The following CD276 variants were observed in gnomAD, a reference collection of about 807,000 sequenced individuals.
CD276 encodes the protein CD276 antigen.
In CD276, 34 loss-of-function variants were observed where a neutral mutation model predicts 50.0. The ratio of observed to expected loss-of-function variants is 0.68; its 90% CI spans 0.52 to 0.91. CD276 has a LOEUF of 0.91. Among genes scored for constraint, CD276 ranks in the 40% least tolerant of loss-of-function variants. The pLI is 0.00. For synonymous variants in CD276, 275 were observed against 313.0 expected, an observed-to-expected ratio of 0.88 and a Z score of 1.28; for missense variants, 634 against 717.5, an observed-to-expected ratio of 0.88 and a Z score of 1.33.
At chr15:73,700,189 T>C (rs780726648) in intron 2 of CD276, among the ~76,000 whole-genome samples, 5 of 152,174 alleles carry the variant, frequency 3.3e-5, no homozygotes, top group African/African-American at 7.2e-5. Flanking sequence ...GGCGTTTGCT[T>C]GCTTCCTCCC....
chr15:73,709,514 T>C lies in CD276; in HGVS notation c.1505-134T>C, dbSNP rs572093268. On this transcript the variant is annotated intron_variant, in intron 7 of 9. Transcript: ENST00000318443. ...CTCTGCTCTCGGGCTCTAACCCGTG[T>C]CTAGCATTTGGTCCGCAGGTCAGGC... is the stretch of plus-strand genomic sequence containing the variant. 14 of 819,710 alleles carry C rather than the reference T, an allele frequency of 1.7e-5. No homozygotes were observed. The East Asian group carries it at 3.5e-4, about 21-fold the overall frequency. 50.8% of individuals were successfully genotyped at this position (819,710 alleles called of 1,614,324 possible). A position where few individuals can be genotyped will look rare whatever the true frequency, so the allele number is the denominator to read the frequency against.
chr15:73,699,306 C>T (rs549637557), intron 1 of CD276, among the ~76,000 whole-genome samples: 144 of 152,318 alleles, frequency 9.5e-4, no homozygotes, highest in African/African-American at 3.1e-3. Context: ...CTTCACTTGC[C>T]GCCTTGCCTC....
Position 73,713,078 on chromosome 15 carries a change from C to A in CD276, c.*122C>A. On this transcript the variant is annotated 3_prime_UTR_variant, in exon 10 of 10. Transcript: ENST00000318443. ...TGCTCTGACAGGTGGGCTCCTTCTC[C>A]AAAGGATGCGATACACAGACCACTG... The A allele has an allele frequency of 1.2e-6, 1 of 837,046 alleles. No individual in the cohort carries two copies. The highest frequency in any genetic ancestry group is 1.9e-6 in the Non-Finnish European group (1 of 526,760). The allele number at this position is 837,046 out of a possible 1,614,324, so 51.9% of individuals were successfully genotyped here.
chr15:73,699,574 T>C lies in CD276; in HGVS notation c.-54-12T>C. 6.3e-7 allele frequency: 1 copy of C among 1,588,466 alleles called. No individual in the cohort carries two copies. The highest frequency in any genetic ancestry group is 8.6e-7 in the Non-Finnish European group (1 of 1,169,586). On this transcript the variant is annotated splice_polypyrimidine_tract_variant and intron_variant, in intron 1 of 9. Transcript: ENST00000318443. Reference sequence around the variant, plus strand: ...CTTTGGAGACAAAGGCCTTGCGTCCTCTTTCTCCCAGGCAGGGGCAGCCTT... The same window carrying C: ...CTTTGGAGACAAAGGCCTTGCGTCCCCTTTCTCCCAGGCAGGGGCAGCCTT...
intron 2 of CD276, among the ~76,000 whole-genome samples, chr15:73,700,892 C>CCCTCCTCCCTT (rs1567017807): frequency 4.1e-4 from 11 of 27,134 alleles, no homozygotes; most frequent in East Asian, 2.6e-3. Context: ...TCCCCTCCTC[C>CCCTCCTCCCTT]CCTCCTCCTC....
At chr15:73,690,455 T>C (rs1899943007) in intron 1 of CD276, among the ~76,000 whole-genome samples, 1 of 152,168 alleles carries the variant, frequency 6.6e-6, no homozygotes, top group Non-Finnish European at 1.5e-5. Context: ...GCCTGGGTAA[T>C]ATATAAAGAA....
At chr15:73,707,513 G>A (rs1208405005) in intron 6 of CD276, among the ~76,000 whole-genome samples, 2 of 152,172 alleles carry the variant, frequency 1.3e-5, no homozygotes, top group East Asian at 3.8e-4. Context: ...ACTCCTTGGG[G>A]AAACTCCAAG....
At chr15:73,708,542 G>A (rs1240214686) in intron 7 of CD276, 69 bp downstream of exon 7, 1 of 1,517,422 alleles carries the variant, frequency 6.6e-7, no homozygotes, top group Non-Finnish European at 8.9e-7. Flanking sequence ...TGCTGTCTTT[G>A]ATGTCAATAG....
At chr15:73,703,303 T>G (rs1221509520) in intron 4 of CD276, among the ~76,000 whole-genome samples, 2 of 152,114 alleles carry the variant, frequency 1.3e-5, no homozygotes, top group African/African-American at 4.8e-5. Context: ...TTCAAGGCTC[T>G]GGAAGCCTCT....
chr15:73,690,732 A>T (rs927764047), intron 1 of CD276: 1 of 455,980 alleles, frequency 2.2e-6, no homozygotes, highest in Non-Finnish European at 4.4e-6. Context: ...TAAAGCACCC[A>T]TGTCATCTAG....
At chr15:73,696,575 C>T (rs112058937) in intron 1 of CD276, among the ~76,000 whole-genome samples, 3 of 152,142 alleles carry the variant, frequency 2.0e-5, no homozygotes, top group African/African-American at 7.2e-5. Context: ...AAGTCCAGGG[C>T]GCAGCCCTGG....
At chr15:73,686,525 G>T (rs556655556) in intron 1 of CD276, among the ~76,000 whole-genome samples, 20 of 152,292 alleles carry the variant, frequency 1.3e-4, no homozygotes, top group Non-Finnish European at 2.9e-4. Flanking sequence ...GTCCTCTGGG[G>T]TGTCTGTGTC....
In CD276 at chr15:73,702,445, C is replaced by T. The variant is rs778794233; in HGVS notation, c.270C>T (p.Ala90=). 1.2e-6 allele frequency: 2 copies of T among 1,613,802 alleles called. No individual in the cohort carries two copies. The highest frequency in any genetic ancestry group is 1.7e-6 in the Non-Finnish European group (2 of 1,180,024). Residue 90 remains alanine, a synonymous_variant, in exon 3 of 10, where the codon GCC becomes GCT. Transcript: ENST00000318443. ...AEGQDQGSAY[A]NRTALFPDLL... ...GCCAGGACCAGGGCAGCGCCTATGC[C>T]AACCGCACGGCCCTCTTCCCGGACC...
At chr15:73,697,137 T>C (rs1900208826) in intron 1 of CD276, among the ~76,000 whole-genome samples, 1 of 152,072 alleles carries the variant, frequency 6.6e-6, no homozygotes, top group Non-Finnish European at 1.5e-5. Context: ...AGGGTGGCCC[T>C]TGTGGGGCAG....
intron 1 of CD276, chr15:73,690,696 T>C (rs1899954493): frequency 2.2e-6 from 1 of 455,900 alleles, no homozygotes; most frequent in African/African-American, 2.0e-5. Context: ...ACTGTTACAG[T>C]GGCAATTAAA....
At chr15:73,705,576 A>G (rs1047639095) in intron 6 of CD276, among the ~76,000 whole-genome samples, 9 of 152,072 alleles carry the variant, frequency 5.9e-5, no homozygotes, top group Admixed American at 1.3e-4. Context: ...GCTCTCCAGG[A>G]GAGAGTAGCT....
intron 1 of CD276, 82 bp from the exon 2 acceptor site, chr15:73,699,504 A>C: frequency 1.3e-6 from 2 of 1,511,590 alleles, no homozygotes; most frequent in South Asian, 2.5e-5. Flanking sequence ...AGCCTTCCCC[A>C]CTCTGGTCCA....
chr15:73,699,508 T>C, intron 1 of CD276, 78 bp from the exon 2 acceptor site: 2 of 1,517,342 alleles, frequency 1.3e-6, no homozygotes, highest in Admixed American at 2.0e-5. Context: ...TTCCCCACTC[T>C]GGTCCAGGAG....
In CD276 at chr15:73,704,076, C is replaced by T; in HGVS notation, c.1072+79C>T. 1 of 1,560,956 alleles carries T rather than the reference C, an allele frequency of 6.4e-7. No homozygotes were observed. Among genetic ancestry groups the T allele is most frequent in the Non-Finnish European group, 8.7e-7 (1 of 1,152,512 alleles). On this transcript the variant is annotated intron_variant, in intron 5 of 9. Coordinates refer to ENST00000318443, the MANE Select transcript of CD276 (RefSeq NM_001024736.2). The surrounding 1 kb of genome is among the most constrained non-coding windows in gnomAD (Gnocchi z 4.1). ...CAGCCCACCCTCTGCTGCACCACTG[C>T]TCCCAGAACCCCAGTGCTGATTCCT...
Sources: allele counts gnomAD v4.1 joint callset (sites outside exome capture counted in the v4.1 genomes callset), GRCh38; gene constraint gnomAD v4.1.1; non-coding constraint Gnocchi (gnomAD v3.1); transcripts MANE v1.5; gene names NCBI Gene and HGNC (gene_info 2026-07-23, HGNC 2026-07-21).